The following SRGAP1 variants were observed in gnomAD, a reference collection of about 807,000 sequenced individuals.
SRGAP1 encodes SLIT-ROBO Rho GTPase-activating protein 1.
SRGAP1 carries 43 observed loss-of-function variants against 121.9 expected under a neutral mutation model. That is an observed-to-expected ratio of 0.35 (90% CI 0.28 to 0.46). The LOEUF is 0.46. Ranked by LOEUF, SRGAP1 falls within the 20% of genes least tolerant of loss-of-function variation. SRGAP1 has a pLI of 1.00. For synonymous variants in SRGAP1, 447 were observed against 485.4 expected (o/e 0.92, Z 1.04); for missense variants, 1,102 against 1,350.9 (o/e 0.82, Z 2.89).
intron 1 of SRGAP1, among the ~76,000 whole-genome samples, chr12:63,919,734 C>T (rs1299949978): frequency 2.0e-5 from 3 of 151,854 alleles, no homozygotes; most frequent in Non-Finnish European, 4.4e-5. Flanking sequence ...GTTATTTATC[C>T]CTTAAAAATA....
intron 4 of SRGAP1, among the ~76,000 whole-genome samples, chr12:64,034,259 G>T (rs1271009326): frequency 6.6e-6 from 1 of 152,008 alleles, no homozygotes; most frequent in Non-Finnish European, 1.5e-5. Flanking sequence ...AAAGTGTGTA[G>T]CACCTCCCCC....
At chr12:64,057,054 G>A (rs1244355643) in intron 6 of SRGAP1, among the ~76,000 whole-genome samples, 1 of 152,160 alleles carries the variant, frequency 6.6e-6, no homozygotes, top group African/African-American at 2.4e-5. Flanking sequence ...GGAAAAATGA[G>A]TAGCAGCTCC....
intron 1 of SRGAP1, among the ~76,000 whole-genome samples, chr12:63,847,550 A>G (rs1035591249): frequency 2.6e-5 from 4 of 152,104 alleles, no homozygotes; most frequent in African/African-American, 9.7e-5. Flanking sequence ...GGCCGAGACC[A>G]GCCTGGCCAA....
intron 1 of SRGAP1, among the ~76,000 whole-genome samples, chr12:63,923,661 T>C (rs544058824): frequency 1.1e-3 from 161 of 152,356 alleles, no homozygotes; most frequent in African/African-American, 3.7e-3. Context: ...AACAATCTCC[T>C]TTAAGTTTCT....
rs35172854 is a variant in SRGAP1, at chr12:64,026,865, CAAAA to C, written c.489+9863_489+9866del. 3.7e-5 allele frequency among the ~76,000 whole-genome samples: 5 copies of C among 134,240 alleles called. No homozygotes were observed. In the East Asian group the frequency reaches 8.9e-4, roughly 24 times the overall value. The allele number at this position is 134,240 out of a possible 152,430, so 88.1% of individuals were successfully genotyped here. The stretch of plus-strand genomic sequence containing the variant: ...TGGGGGTCAGAGCAAGACTCCATCT[CAAAA>C]AAAAAAAAAGAAATGTTCAAATTAA... On this transcript the variant is annotated intron_variant, in intron 4 of 21. Coordinates refer to ENST00000355086, the MANE Select transcript of SRGAP1 (RefSeq NM_020762.4).
At position 64,160,255 on chromosome 12, in the gene SRGAP1, C is replaced by A. The variant is rs699633; in HGVS notation, c.*17583C>A. 1 of 151,954 alleles carries A rather than the reference C, an allele frequency of 6.6e-6. No homozygotes were observed. The highest frequency in any genetic ancestry group is 2.4e-5 in the African/African-American group (1 of 41,348). 9.4% of individuals were successfully genotyped at this position (151,954 alleles called of 1,614,324 possible). On this transcript the variant is annotated 3_prime_UTR_variant, in exon 22 of 22. Transcript: ENST00000355086. ...ACCTCATACAGCCATCTCAGCTAGTCATGACTGACCTAGATTTAACACAGT... is the reference window on the plus strand; with the variant it reads ...ACCTCATACAGCCATCTCAGCTAGTAATGACTGACCTAGATTTAACACAGT...
intron 1 of SRGAP1, among the ~76,000 whole-genome samples, chr12:63,913,586 T>C (rs1272969441): frequency 6.7e-6 from 1 of 150,346 alleles, no homozygotes; most frequent in Non-Finnish European, 1.5e-5. Context: ...GGTCAAGTCT[T>C]TTACAAAGCT....
intron 4 of SRGAP1, among the ~76,000 whole-genome samples, chr12:64,023,729 A>G (rs2034598363): frequency 6.6e-6 from 1 of 152,250 alleles, no homozygotes; most frequent in South Asian, 2.1e-4. Flanking sequence ...TCAAGAGGAA[A>G]AGAACTGAGG....
chr12:64,043,039 A>G, intron 5 of SRGAP1, 67 bp downstream of exon 5: 1 of 1,033,134 alleles, frequency 9.7e-7, no homozygotes, highest in East Asian at 2.4e-5. Context: ...ACACTGATGC[A>G]ATAGCTGATA....
intron 6 of SRGAP1, among the ~76,000 whole-genome samples, chr12:64,052,670 A>C (rs1383681311): frequency 6.6e-6 from 1 of 152,198 alleles, no homozygotes; most frequent in Non-Finnish European, 1.5e-5. Flanking sequence ...TATGCCTTAA[A>C]TATGTTTAAT....
chr12:63,914,851 C>T (rs540856014), intron 1 of SRGAP1, among the ~76,000 whole-genome samples: 3 of 151,916 alleles, frequency 2.0e-5, no homozygotes, highest in Admixed American at 2.0e-4. Flanking sequence ...TTTGAAAAAT[C>T]CCAGAAGAGC....
chr12:63,956,956 T>G (rs769479357), intron 1 of SRGAP1, among the ~76,000 whole-genome samples: 11 of 152,208 alleles, frequency 7.2e-5, no homozygotes, highest in Non-Finnish European at 1.2e-4. Context: ...TTTGCCTGTT[T>G]ATGAAGTCAT....
At chr12:63,892,781 G>A (rs1040297297) in intron 1 of SRGAP1, among the ~76,000 whole-genome samples, 3 of 152,078 alleles carry the variant, frequency 2.0e-5, no homozygotes, top group Non-Finnish European at 2.9e-5. Flanking sequence ...TTTTGAAAAA[G>A]GGCACAATCT....
intron 8 of SRGAP1, among the ~76,000 whole-genome samples, chr12:64,066,535 AC>A (rs1257415034): frequency 6.6e-6 from 1 of 152,184 alleles, no homozygotes; most frequent in Non-Finnish European, 1.5e-5. Context: ...TCACTTTCAT[AC>A]CCTGTTTTGT....
At chr12:63,979,650 GA>G (rs1172757976) in intron 1 of SRGAP1, among the ~76,000 whole-genome samples, 1 of 152,132 alleles carries the variant, frequency 6.6e-6, no homozygotes, top group African/African-American at 2.4e-5. Flanking sequence ...TTCCTAACAA[GA>G]AGGACCTGTG....
rs2136594740 is a variant in SRGAP1 at position 64,097,321 on chromosome 12, C to A, written c.1759C>A (p.Leu587Met). The change falls in exon 15 of 22, where the codon CTG (leucine) becomes ATG (methionine). Residue 587 changes from leucine (L) to methionine (M), a missense_variant. Leu to Met is a conservative substitution (Grantham distance 15, BLOSUM62 2). Around this residue, in one of 3 missense-constraint regions of SRGAP1, gnomAD observed 747 missense variants for 929.4 expected, o/e 0.80. Transcript: ENST00000355086. Reference sequence around the variant, plus strand: ...CGTTCTGAAGCTCTATTTCCGTGGGCTGGAAAACCCCCTCTTTCCTAAGGA... The same window carrying A: ...CGTTCTGAAGCTCTATTTCCGTGGGATGGAAAACCCCCTCTTTCCTAAGGA... ...AGVLKLYFRGLENPLFPKERF... is the reference protein window; with the variant it reads ...AGVLKLYFRGMENPLFPKERF... The A allele has an allele frequency of 6.2e-7, 1 of 1,612,914 alleles. No individual in the cohort carries two copies. Among genetic ancestry groups the A allele is most frequent in the Non-Finnish European group, 8.5e-7 (1 of 1,179,780 alleles).
chr12:64,051,158 T>G (rs918088872), intron 6 of SRGAP1, among the ~76,000 whole-genome samples: 2 of 152,194 alleles, frequency 1.3e-5, no homozygotes, highest in Non-Finnish European at 2.9e-5. Flanking sequence ...AAGTTGAACT[T>G]TACATAAAGG....
chr12:63,949,011 T>TA lies in SRGAP1; in HGVS notation c.68-34936_68-34935insA, dbSNP rs1381621374. ...CATATATGTATTTTCCATATATATATTCATATATGTATTTTCCATATATGT... is the reference window on the plus strand; with the variant it reads ...CATATATGTATTTTCCATATATATATATCATATATGTATTTTCCATATATGT... On this transcript the variant is annotated intron_variant, in intron 1 of 21. Coordinates refer to ENST00000355086, the MANE Select transcript of SRGAP1 (RefSeq NM_020762.4). Among the ~76,000 whole-genome samples, 45 of 135,866 alleles carry TA rather than the reference T, an allele frequency of 3.3e-4. 1 individual carries two copies. The highest frequency in any genetic ancestry group is 1.0e-3 in the African/African-American group (37 of 36,128). The allele number at this position is 135,866 out of a possible 152,430, so 89.1% of individuals were successfully genotyped here. A position where few individuals can be genotyped will look rare whatever the true frequency, so the allele number is the denominator to read the frequency against.
chr12:63,907,810 T>C (rs1017290710), intron 1 of SRGAP1, among the ~76,000 whole-genome samples: 5 of 152,180 alleles, frequency 3.3e-5, no homozygotes, highest in Non-Finnish European at 7.3e-5. Context: ...CCAGGGTCAT[T>C]GATATTTACT....
Sources: allele counts gnomAD v4.1 joint callset (sites outside exome capture counted in the v4.1 genomes callset), GRCh38; gene constraint gnomAD v4.1.1; regional missense constraint gnomAD v4.1.1; transcripts MANE v1.5; gene names NCBI Gene and HGNC (gene_info 2026-07-23, HGNC 2026-07-21).